The following TMCC1 variants were observed in gnomAD, a reference collection of about 807,000 sequenced individuals.
The protein encoded by TMCC1 is transmembrane and coiled-coil domain family 1.
Under a neutral mutation model 52.4 loss-of-function variants are expected in TMCC1, and 15 were observed. That is an observed-to-expected ratio of 0.29 (90% confidence interval 0.19 to 0.44). The LOEUF is 0.44. Ranked by LOEUF, TMCC1 falls within the 20% of genes least tolerant of loss-of-function variation. TMCC1 has a pLI of 1.00. For missense variants in TMCC1, 503 were observed against 806.0 expected (o/e 0.62, Z 4.55); for synonymous variants, 279 against 301.9 (o/e 0.92, Z 0.79).
chr3:129,724,089 C>T (rs2049884375), intron 4 of TMCC1, among the ~76,000 whole-genome samples: 1 of 152,094 alleles, frequency 6.6e-6, no homozygotes, highest in South Asian at 2.1e-4. Context: ...CAGAGACTTA[C>T]TCCAGCCCTG....
chr3:129,731,603 T>C (rs2050545691), intron 4 of TMCC1, among the ~76,000 whole-genome samples: 1 of 151,940 alleles, frequency 6.6e-6, no homozygotes, highest in Non-Finnish European at 1.5e-5. Context: ...ATAAGAACTC[T>C]TAGCAAATTA....
intron 4 of TMCC1, among the ~76,000 whole-genome samples, chr3:129,751,802 G>A (rs1283074238): frequency 6.6e-6 from 1 of 151,872 alleles, no homozygotes; most frequent in East Asian, 1.9e-4. Flanking sequence ...CTCATAATCC[G>A]CTCACCTCAG....
rs547865606 is a variant in TMCC1, at chr3:129,866,065, T to A, written c.-184+14244A>T. 1.3e-5 allele frequency among the ~76,000 whole-genome samples: 2 copies of A among 151,902 alleles called. 1 individual carries two copies. The highest frequency in any genetic ancestry group is 4.1e-4 in the South Asian group (2 of 4,826). ...GCTCTTAATCAACAACAGAATAAGATATGCAGATCAAAATGGAATACACCC... is the reference window on the plus strand; with the variant it reads ...GCTCTTAATCAACAACAGAATAAGAAATGCAGATCAAAATGGAATACACCC... On this transcript the variant is annotated intron_variant, in intron 2 of 6. Transcript: ENST00000393238.
chr3:129,754,656 C>T (rs943804710), intron 4 of TMCC1, among the ~76,000 whole-genome samples: 1 of 152,256 alleles, frequency 6.6e-6, no homozygotes, highest in Admixed American at 6.5e-5. Flanking sequence ...ATTTGTATGT[C>T]AATATGTATC....
intron 4 of TMCC1, among the ~76,000 whole-genome samples, chr3:129,728,919 G>C (rs906648263): frequency 3.9e-5 from 6 of 152,116 alleles, no homozygotes; most frequent in Non-Finnish European, 5.9e-5. Context: ...TTTCATTGCT[G>C]AGTAGTAGTT....
intron 4 of TMCC1, among the ~76,000 whole-genome samples, chr3:129,678,164 C>T (rs1037022657): frequency 4.4e-4 from 67 of 152,036 alleles, no homozygotes; most frequent in African/African-American, 1.5e-3. Context: ...AAGTGATCCA[C>T]CCTCCTTGGA....
intron 4 of TMCC1, among the ~76,000 whole-genome samples, chr3:129,694,894 G>A (rs951863431): frequency 2.0e-5 from 3 of 151,870 alleles, no homozygotes; most frequent in African/African-American, 4.8e-5. Context: ...TTTCTTGTGC[G>A]AGATCCAAGA....
At chr3:129,796,950 A>G (rs2056870859) in intron 4 of TMCC1, among the ~76,000 whole-genome samples, 1 of 152,226 alleles carries the variant, frequency 6.6e-6, no homozygotes, top group African/African-American at 2.4e-5. Context: ...TTTCTATGCA[A>G]TGATTATTCT....
At chr3:129,682,016 A>G (rs1221091655) in intron 4 of TMCC1, among the ~76,000 whole-genome samples, 1 of 152,100 alleles carries the variant, frequency 6.6e-6, no homozygotes, top group Non-Finnish European at 1.5e-5. Context: ...GGTTCCATGC[A>G]CATATAAAAC....
intron 4 of TMCC1, among the ~76,000 whole-genome samples, chr3:129,741,862 T>C (rs537460569): frequency 6.6e-6 from 1 of 152,244 alleles, no homozygotes; most frequent in South Asian, 2.1e-4. Context: ...CTCTTACTTA[T>C]ATACAACACA....
chr3:129,832,909 A>G (rs1355552202), intron 2 of TMCC1, 83 bp from the exon 3 acceptor site: 1 of 152,218 alleles, frequency 6.6e-6, no homozygotes, highest in Non-Finnish European at 1.5e-5. Context: ...AAAACGACTG[A>G]AAGTATATCC....
intron 1 of TMCC1, among the ~76,000 whole-genome samples, chr3:129,890,689 T>A (rs1026394001): frequency 6.6e-6 from 1 of 152,204 alleles, no homozygotes; most frequent in African/African-American, 2.4e-5. Flanking sequence ...TAACAATTTA[T>A]TTCCTCTTGC....
intron 4 of TMCC1, among the ~76,000 whole-genome samples, chr3:129,676,484 T>C (rs2088458755): frequency 6.6e-6 from 1 of 152,192 alleles, no homozygotes; most frequent in Admixed American, 6.5e-5. Context: ...TATTAACTGA[T>C]CTGAATTAAT....
chr3:129,893,145 G>C (rs1165629755), intron 1 of TMCC1: 2 of 152,270 alleles, frequency 1.3e-5, no homozygotes, highest in Admixed American at 6.5e-5. Flanking sequence ...ACAGTCCCTC[G>C]GGCCTCGGCC....
intron 2 of TMCC1, chr3:129,869,126 C>T (rs1250434903): frequency 6.6e-6 from 1 of 151,958 alleles, no homozygotes; most frequent in African/African-American, 2.4e-5. Context: ...GCCAGGGGAA[C>T]CAACCAAGCG....
At chr3:129,683,775 T>C (rs2089196693) in intron 4 of TMCC1, among the ~76,000 whole-genome samples, 1 of 152,136 alleles carries the variant, frequency 6.6e-6, no homozygotes. Flanking sequence ...CCAGTGTCTA[T>C]TACTGCCCTG....
At chr3:129,704,909 G>A (rs1226076229) in intron 4 of TMCC1, among the ~76,000 whole-genome samples, 1 of 152,154 alleles carries the variant, frequency 6.6e-6, no homozygotes, top group Admixed American at 6.5e-5. Flanking sequence ...CCTTGATTGA[G>A]CTGATTCAAT....
chr3:129,770,751 G>A (rs1005803426), intron 4 of TMCC1, among the ~76,000 whole-genome samples: 1 of 152,178 alleles, frequency 6.6e-6, no homozygotes, highest in African/African-American at 2.4e-5. Flanking sequence ...TCTGGAGAGT[G>A]TGGAAATTTC....
At chr3:129,724,176 T>C (rs991007060) in intron 4 of TMCC1, among the ~76,000 whole-genome samples, 2 of 152,146 alleles carry the variant, frequency 1.3e-5, no homozygotes, top group African/African-American at 4.8e-5. Context: ...TTGGCAGCTG[T>C]ACAGAATGCC....
Sources: allele counts gnomAD v4.1 joint callset (sites outside exome capture counted in the v4.1 genomes callset), GRCh38; gene constraint gnomAD v4.1.1; transcripts MANE v1.5; gene names NCBI Gene and HGNC (gene_info 2026-07-23, HGNC 2026-07-21).